The following ALK variants were observed in gnomAD, a reference collection of about 807,000 sequenced individuals.
ALK encodes the protein ALK tyrosine kinase receptor.
Under a neutral mutation model 163.1 loss-of-function variants are expected in ALK, and 74 were observed. The ratio of observed to expected loss-of-function variants is 0.45; its 90% CI spans 0.38 to 0.55. ALK has a LOEUF of 0.55. Among genes scored for constraint, ALK ranks in the 20% least tolerant of loss-of-function variants. The pLI is 0.00. For synonymous variants in ALK, 960 were observed against 843.2 expected (o/e 1.14, Z -2.40); for missense variants, 2,063 against 2,105.3 (o/e 0.98, Z 0.39).
At chr2:29,672,444 G>A (rs1677730608) in intron 3 of ALK, among the ~76,000 whole-genome samples, 2 of 148,308 alleles carry the variant, frequency 1.3e-5, no homozygotes, top group Admixed American at 6.8e-5. Flanking sequence ...TTTTGTTCTT[G>A]CGATAGTTTA....
chr2:29,345,008 T>A (rs1268441737), intron 5 of ALK, among the ~76,000 whole-genome samples: 1 of 152,228 alleles, frequency 6.6e-6, no homozygotes, highest in Non-Finnish European at 1.5e-5. Flanking sequence ...GTGCAAAAGC[T>A]ATTTTGGTTT....
chr2:29,615,230 G>C (rs1289375945), intron 3 of ALK, among the ~76,000 whole-genome samples: 1 of 152,100 alleles, frequency 6.6e-6, no homozygotes, highest in Non-Finnish European at 1.5e-5. Context: ...TACTCTTCCA[G>C]ATATCATGCC....
chr2:29,288,812 C>T (rs923346651), intron 9 of ALK, among the ~76,000 whole-genome samples: 49 of 151,312 alleles, frequency 3.2e-4, no homozygotes, highest in Non-Finnish European at 6.6e-4. Flanking sequence ...ATTAGCCAGG[C>T]GTGGTGGTGG....
intron 2 of ALK, among the ~76,000 whole-genome samples, chr2:29,716,408 T>C (rs774301423): frequency 9.9e-5 from 15 of 152,244 alleles, no homozygotes; most frequent in Non-Finnish European, 2.2e-4. Context: ...GTGTTCACCC[T>C]AGAGGAGTTC....
chr2:29,310,341 T>C (rs1323117788), intron 8 of ALK, among the ~76,000 whole-genome samples: 2 of 152,200 alleles, frequency 1.3e-5, no homozygotes, highest in East Asian at 1.9e-4. Context: ...ATGCTTAGCA[T>C]AGTGCCAGCC....
intron 3 of ALK, among the ~76,000 whole-genome samples, chr2:29,669,297 A>G (rs1456752709): frequency 6.6e-6 from 1 of 152,076 alleles, no homozygotes; most frequent in Non-Finnish European, 1.5e-5. Context: ...GTACATAGAT[A>G]TTTATAATTG....
At chr2:29,456,427 C>G (rs1485295416) in intron 4 of ALK, among the ~76,000 whole-genome samples, 1 of 151,962 alleles carries the variant, frequency 6.6e-6, no homozygotes, top group East Asian at 1.9e-4. Flanking sequence ...ATGGATAAAC[C>G]TTTAAGACAT....
chr2:29,392,355 C>T (rs539151969), intron 4 of ALK, among the ~76,000 whole-genome samples: 16 of 152,212 alleles, frequency 1.1e-4, no homozygotes, highest in Non-Finnish European at 2.2e-4. Flanking sequence ...GCACTTCCTA[C>T]TATAATGCAC....
intron 1 of ALK, among the ~76,000 whole-genome samples, chr2:29,783,938 T>C (rs1398370116): frequency 6.6e-6 from 1 of 152,120 alleles, no homozygotes; most frequent in African/African-American, 2.4e-5. Flanking sequence ...TGGGCATCAG[T>C]TGTCTCATCT....
intron 26 of ALK, among the ~76,000 whole-genome samples, chr2:29,199,504 T>A (rs1669106168): frequency 6.6e-6 from 1 of 152,220 alleles, no homozygotes; most frequent in Non-Finnish European, 1.5e-5. Context: ...GCTTTTCAAA[T>A]AACTACTCTT....
intron 4 of ALK, among the ~76,000 whole-genome samples, chr2:29,393,828 C>T (rs1028307667): frequency 2.6e-5 from 4 of 152,132 alleles, no homozygotes; most frequent in African/African-American, 9.7e-5. Context: ...GGCAGGAGAA[C>T]ATTTGAATAC....
At chr2:29,548,827 G>A (rs964858471) in intron 3 of ALK, among the ~76,000 whole-genome samples, 12 of 152,028 alleles carry the variant, frequency 7.9e-5, no homozygotes, top group Non-Finnish European at 1.8e-4. Flanking sequence ...TATTTACCTT[G>A]GGGGGGATGT....
intron 4 of ALK, among the ~76,000 whole-genome samples, chr2:29,456,062 T>G (rs555586273): frequency 6.6e-6 from 1 of 152,208 alleles, no homozygotes; most frequent in Admixed American, 6.5e-5. Context: ...CAGAAAATAA[T>G]GAGAGTAGTG....
At chr2:29,496,636 A>G (rs1013313313) in intron 4 of ALK, among the ~76,000 whole-genome samples, 7 of 152,252 alleles carry the variant, frequency 4.6e-5, no homozygotes, top group African/African-American at 1.7e-4. Context: ...TAAAGCAATC[A>G]TATATAAGTT....
chr2:29,544,515 C>T (rs1373877532), intron 3 of ALK, among the ~76,000 whole-genome samples: 2 of 152,160 alleles, frequency 1.3e-5, no homozygotes, highest in African/African-American at 4.8e-5. Flanking sequence ...GGATACCCTC[C>T]TCTAATCTAT....
rs567945264 is a variant in ALK, at chr2:29,518,372, C to T, written c.1154+13543G>A. Among the ~76,000 whole-genome samples the T allele has an allele frequency of 4.6e-5, 7 of 152,286 alleles. No individual in the cohort carries two copies. In the South Asian group the frequency reaches 1.5e-3, roughly 32 times the overall value. On this transcript the variant is annotated intron_variant, in intron 4 of 28. Transcript: ENST00000389048. ...GCTGGGGCCAGAATTGAATTTCTTT[C>T]CGAATCAGACATTTTTGGGAATGTC...
At chr2:29,217,905 C>T (rs1669685405) in intron 23 of ALK, among the ~76,000 whole-genome samples, 1 of 152,154 alleles carries the variant, frequency 6.6e-6, no homozygotes, top group Non-Finnish European at 1.5e-5. Context: ...CCCTCATGTC[C>T]CTTGGCCGAT....
intron 1 of ALK, among the ~76,000 whole-genome samples, chr2:29,839,743 C>T (rs765571382): frequency 6.6e-6 from 1 of 152,046 alleles, no homozygotes; most frequent in East Asian, 1.9e-4. Context: ...AGGGTCATTC[C>T]CCACAAAGCC....
intron 1 of ALK, among the ~76,000 whole-genome samples, chr2:29,718,382 T>C (rs926161835): frequency 1.3e-5 from 2 of 152,372 alleles, no homozygotes. Context: ...CATTACAATA[T>C]ATCTACAAAT....
Sources: allele counts gnomAD v4.1 joint callset (sites outside exome capture counted in the v4.1 genomes callset), GRCh38; gene constraint gnomAD v4.1.1; transcripts MANE v1.5; gene names NCBI Gene and HGNC (gene_info 2026-07-23, HGNC 2026-07-21).